Variants in TACR3 observed in about 807,000 individuals in gnomAD.
TACR3 encodes the protein neuromedin-K receptor.
In TACR3, 34 loss-of-function variants were observed where a neutral mutation model predicts 35.0. The ratio of observed to expected loss-of-function variants is 0.97; its 90% CI spans 0.74 to 1.30. The LOEUF is 1.30. TACR3 is among the 50% of genes most tolerant of loss of function. The probability of loss-of-function intolerance (pLI) is 0.00; values close to 1 mark genes in which losing one functional copy is unlikely to be tolerated. For missense variants in TACR3, 558 were observed against 591.7 expected, an observed-to-expected ratio of 0.94 and a Z score of 0.59; for synonymous variants, 233 against 221.1, an observed-to-expected ratio of 1.05 and a Z score of -0.48.
rs1424790737 is a variant in TACR3, at chr4:103,604,936, C to G, written c.889-13253G>C. Among the ~76,000 whole-genome samples the G allele has an allele frequency of 6.8e-4, 102 of 149,098 alleles. 1 individual carries two copies. Among genetic ancestry groups the G allele is most frequent in the African/African-American group, 2.4e-3 (98 of 40,396 alleles). The stretch of plus-strand genomic sequence containing the variant: ...TGCTGGTGCACTGCACCCACTAACT[C>G]GTCATCTAGCATTAGGTATATCTCC... On this transcript the variant is annotated intron_variant, in intron 3 of 4. Transcript: ENST00000304883.
intron 3 of TACR3, among the ~76,000 whole-genome samples, chr4:103,629,464 G>A (rs1429348037): frequency 2.0e-5 from 3 of 152,024 alleles, no homozygotes; most frequent in East Asian, 1.9e-4. Flanking sequence ...AAATCAATGT[G>A]CAAAAATCAC....
At chr4:103,628,849 T>C (rs950420690) in intron 3 of TACR3, among the ~76,000 whole-genome samples, 32 of 108,784 alleles carry the variant, frequency 2.9e-4, no homozygotes, top group Non-Finnish European at 5.2e-4. Flanking sequence ...AAAAGAATTT[T>C]AGATCAATAT....
rs1334964121 is a variant in TACR3 at position 103,719,228 on chromosome 4, C to T, written c.448G>A (p.Glu150Lys). The change falls in exon 1 of 5, where the codon GAG becomes AAG. Residue 150 changes from glutamate (E) to lysine (K), a missense_variant. Physicochemically the swap from Glu to Lys is moderately conservative, Grantham distance 56. Coordinates refer to ENST00000304883, the MANE Select transcript of TACR3 (RefSeq NM_001059.3). Reference sequence around the variant, plus strand: ...CAGTAGTTGGCGCCAAAGTACCACTCGCTATGAAGCGCGTAGATGAAATTG... The same window carrying T: ...CAGTAGTTGGCGCCAAAGTACCACTTGCTATGAAGCGCGTAGATGAAATTG... ...LVNFIYALHS[E>K]WYFGANYCRF... is the part of the protein sequence containing the mutation. 1.2e-6 allele frequency: 2 copies of T among 1,614,182 alleles called. No homozygotes were observed. The highest frequency in any genetic ancestry group is 2.2e-5 in the East Asian group (1 of 44,874).
intron 3 of TACR3, among the ~76,000 whole-genome samples, chr4:103,602,031 C>T (rs142957145): frequency 0.016 from 2,492 of 152,248 alleles, 57 homozygotes; most frequent in African/African-American, 0.057. Flanking sequence ...ACCAATCAGA[C>T]GTAGATTTGG....
intron 1 of TACR3, among the ~76,000 whole-genome samples, chr4:103,710,497 T>C (rs1722920077): frequency 6.6e-6 from 1 of 151,890 alleles, no homozygotes; most frequent in Non-Finnish European, 1.5e-5. Context: ...AAGCTGTGTG[T>C]AGAGGGAAAT....
At chr4:103,684,131 A>G (rs1027515884) in intron 1 of TACR3, among the ~76,000 whole-genome samples, 4 of 122,892 alleles carry the variant, frequency 3.3e-5, no homozygotes, top group Non-Finnish European at 6.0e-5. Context: ...CTGTTGAAAG[A>G]CAAAAAAACT....
intron 1 of TACR3, among the ~76,000 whole-genome samples, chr4:103,712,067 GC>G (rs1722977030): frequency 6.6e-6 from 1 of 152,074 alleles, no homozygotes; most frequent in African/African-American, 2.4e-5. Flanking sequence ...TGGCCATACT[GC>G]CCAAGGTAAT....
chr4:103,610,699 T>C (rs767834282), intron 3 of TACR3, among the ~76,000 whole-genome samples: 4 of 152,172 alleles, frequency 2.6e-5, no homozygotes, highest in Non-Finnish European at 5.9e-5. Context: ...AAAATATCCT[T>C]GTCCAGATCA....
At chr4:103,662,596 C>A (rs1156762849) in intron 1 of TACR3, among the ~76,000 whole-genome samples, 2 of 152,062 alleles carry the variant, frequency 1.3e-5, no homozygotes, top group Non-Finnish European at 2.9e-5. Context: ...GTATCACAGA[C>A]CTTATTTGGA....
intron 3 of TACR3, among the ~76,000 whole-genome samples, chr4:103,604,324 A>G (rs1040250647): frequency 6.6e-6 from 1 of 152,226 alleles, no homozygotes; most frequent in African/African-American, 2.4e-5. Flanking sequence ...TGCTGGGAAA[A>G]CTGGCTAGCC....
intron 3 of TACR3, among the ~76,000 whole-genome samples, chr4:103,651,925 C>T (rs376592762): frequency 9.4e-4 from 143 of 152,120 alleles, no homozygotes; most frequent in African/African-American, 3.0e-3. Context: ...ATAACTCTGA[C>T]TGGTGCCCTA....
intron 1 of TACR3, among the ~76,000 whole-genome samples, chr4:103,686,959 A>G (rs891030997): frequency 4.2e-4 from 64 of 152,288 alleles, no homozygotes; most frequent in Non-Finnish European, 6.8e-4. Context: ...AGAATTTTAG[A>G]CCAATGTCCT....
intron 1 of TACR3, among the ~76,000 whole-genome samples, chr4:103,695,473 TTTC>T (rs1166715113): frequency 6.6e-6 from 1 of 152,190 alleles, no homozygotes; most frequent in Non-Finnish European, 1.5e-5. Context: ...TCCTTATGAT[TTTC>T]TTAATAATAT....
Position 103,589,889 on chromosome 4 carries a change from T to G in TACR3, c.1191A>C (p.Gln397His), listed in dbSNP as rs1723856083. ...TTCTGGTCACGGTGTACATACTGCTTTGCCGGTTTGGATGAAACCTGGTGG... is the reference window on the plus strand; with the variant it reads ...TTCTGGTCACGGTGTACATACTGCTGTGCCGGTTTGGATGAAACCTGGTGG... Reference protein sequence around the residue: ...LKTTRFHPNRQSSMYTVTRME... With the variant: ...LKTTRFHPNRHSSMYTVTRME... Residue 397 changes from glutamine to histidine, a missense_variant, in exon 5 of 5, where the codon CAA (glutamine) becomes CAC (histidine). By Grantham distance (24) the Gln-to-His change is conservative. Transcript: ENST00000304883. 6.2e-7 allele frequency: 1 copy of G among 1,613,990 alleles called. No individual in the cohort carries two copies. The highest frequency in any genetic ancestry group is 2.2e-5 in the East Asian group (1 of 44,876).
At position 103,586,591 on chromosome 4, in the gene TACR3, C is replaced by T. The variant is rs938891989; in HGVS notation, c.*3091G>A. On this transcript the variant is annotated 3_prime_UTR_variant, in exon 5 of 5. Transcript: ENST00000304883. ...GCTTGATACCAAGCTTCTTGGTATT[C>T]TTTATGTGCTTTGTAAGGGCGGGGT... 3 of 151,886 alleles carry T rather than the reference C, an allele frequency of 2.0e-5. No individual in the cohort carries two copies. The highest frequency in any genetic ancestry group is 4.8e-5 in the African/African-American group (2 of 41,378). 9.4% of individuals were successfully genotyped at this position (151,886 alleles called of 1,614,324 possible).
intron 1 of TACR3, among the ~76,000 whole-genome samples, chr4:103,689,732 T>C (rs1051868326): frequency 6.6e-6 from 1 of 152,050 alleles, no homozygotes; most frequent in Non-Finnish European, 1.5e-5. Context: ...ATATGCATGA[T>C]GGGAGTCCCA....
intron 1 of TACR3, among the ~76,000 whole-genome samples, chr4:103,717,357 A>G (rs986350496): frequency 7.9e-5 from 12 of 152,112 alleles, no homozygotes; most frequent in African/African-American, 2.9e-4. Flanking sequence ...ATTTGTTAAT[A>G]GTTTTAATGA....
At chr4:103,697,398 A>ATTTGTTTGTTTG (rs201025607) in intron 1 of TACR3, among the ~76,000 whole-genome samples, 17 of 126,956 alleles carry the variant, frequency 1.3e-4, no homozygotes, top group Admixed American at 1.0e-3. Flanking sequence ...TTATTTATTT[A>ATTTGTTTGTTTG]TTTGTTTATT....
intron 3 of TACR3, among the ~76,000 whole-genome samples, chr4:103,640,631 T>C (rs1227060575): frequency 2.6e-5 from 4 of 151,680 alleles, no homozygotes; most frequent in African/African-American, 9.7e-5. Context: ...ATCTTTACTC[T>C]ATTGCAAGCT....
Sources: allele counts gnomAD v4.1 joint callset (sites outside exome capture counted in the v4.1 genomes callset), GRCh38; gene constraint gnomAD v4.1.1; transcripts MANE v1.5; gene names NCBI Gene and HGNC (gene_info 2026-07-23, HGNC 2026-07-21).